CAMK2D: variants seen among roughly 807,000 people sequenced by gnomAD.
The protein encoded by CAMK2D is calcium/calmodulin-dependent protein kinase type II subunit delta.
A neutral mutation model predicts 84.0 loss-of-function variants in CAMK2D; 37 were observed. That is an observed-to-expected ratio of 0.44 (90% CI 0.34 to 0.58). The LOEUF (loss-of-function observed/expected upper bound fraction) is 0.58, where lower values mean the gene tolerates loss of function less well. CAMK2D is among the 20% of genes least tolerant of loss of function. The probability of loss-of-function intolerance (pLI) is 0.02; values close to 1 mark genes in which losing one functional copy is unlikely to be tolerated. For synonymous variants in CAMK2D, 202 were observed against 212.5 expected (o/e 0.95, Z 0.43); for missense variants, 448 against 652.5 (o/e 0.69, Z 3.41).
At chr4:113,556,476 C>A (rs1211935610) in intron 4 of CAMK2D, among the ~76,000 whole-genome samples, 1 of 152,092 alleles carries the variant, frequency 6.6e-6, no homozygotes, top group African/African-American at 2.4e-5. Context: ...CTGGTGAGGG[C>A]AGGAGAGTAG....
At chr4:113,563,202 C>T (rs2098706768) in intron 4 of CAMK2D, among the ~76,000 whole-genome samples, 1 of 151,912 alleles carries the variant, frequency 6.6e-6, no homozygotes, top group Admixed American at 6.6e-5. Flanking sequence ...TGCAGTGAGC[C>T]GAGATCACGC....
intron 2 of CAMK2D, among the ~76,000 whole-genome samples, chr4:113,715,075 A>G (rs1320764420): frequency 6.6e-6 from 1 of 152,094 alleles, no homozygotes. Context: ...TACAACCTTT[A>G]TTAGATTTCT....
chr4:113,512,306 T>A (rs1420622724), intron 12 of CAMK2D, among the ~76,000 whole-genome samples: 1 of 152,240 alleles, frequency 6.6e-6, no homozygotes, highest in Non-Finnish European at 1.5e-5. Flanking sequence ...GAGTAATATA[T>A]ACTTTATCTC....
chr4:113,629,912 T>TA (rs879680774), intron 3 of CAMK2D, among the ~76,000 whole-genome samples: 85 of 147,260 alleles, frequency 5.8e-4, no homozygotes, highest in East Asian at 1.2e-3. Flanking sequence ...TCACAATGTT[T>TA]AAAAAAAAAA....
At chr4:113,748,196 C>A (rs1594086114) in intron 2 of CAMK2D, among the ~76,000 whole-genome samples, 1 of 152,116 alleles carries the variant, frequency 6.6e-6, no homozygotes, top group East Asian at 1.9e-4. Flanking sequence ...GGTAATTTTA[C>A]TTGACTTTAC....
intron 2 of CAMK2D, among the ~76,000 whole-genome samples, chr4:113,738,491 A>T (rs1270482823): frequency 6.6e-6 from 1 of 152,114 alleles, no homozygotes; most frequent in South Asian, 2.1e-4. Context: ...GATTTTTTTT[A>T]AATGAAAATA....
chr4:113,589,997 T>A (rs1437131108), intron 4 of CAMK2D, among the ~76,000 whole-genome samples: 1 of 152,192 alleles, frequency 6.6e-6, no homozygotes, highest in African/African-American at 2.4e-5. Context: ...ATATTTTGAA[T>A]ATATGCATGT....
chr4:113,491,638 C>T (rs1323792741), intron 16 of CAMK2D, among the ~76,000 whole-genome samples: 13 of 152,190 alleles, frequency 8.5e-5, no homozygotes, highest in Admixed American at 4.6e-4. Context: ...GCTTTGGTAT[C>T]AGAATGATGT....
intron 4 of CAMK2D, among the ~76,000 whole-genome samples, chr4:113,552,665 T>C (rs947298156): frequency 6.6e-6 from 1 of 152,214 alleles, no homozygotes; most frequent in Non-Finnish European, 1.5e-5. Context: ...AGAAGCATTT[T>C]CCCCTAATTT....
intron 7 of CAMK2D, among the ~76,000 whole-genome samples, chr4:113,533,661 C>CTT (rs141396283): frequency 3.4e-5 from 5 of 149,158 alleles, no homozygotes; most frequent in East Asian, 2.0e-4. Context: ...TGGTAGTTAT[C>CTT]TTTTTTTTTT....
intron 4 of CAMK2D, among the ~76,000 whole-genome samples, chr4:113,584,096 A>T (rs2098823199): frequency 6.6e-6 from 1 of 152,216 alleles, no homozygotes; most frequent in Non-Finnish European, 1.5e-5. Context: ...TATTTCTAGC[A>T]GTCTTTCCAT....
intron 2 of CAMK2D, among the ~76,000 whole-genome samples, chr4:113,720,789 T>C (rs2099528364): frequency 6.6e-6 from 1 of 152,124 alleles, no homozygotes; most frequent in Non-Finnish European, 1.5e-5. Context: ...AACTGGCATA[T>C]TCTCAATATG....
chr4:113,472,228 T>C (rs1039930984), intron 16 of CAMK2D, among the ~76,000 whole-genome samples: 4 of 152,202 alleles, frequency 2.6e-5, no homozygotes, highest in African/African-American at 9.6e-5. Flanking sequence ...AATGCATGCA[T>C]GTATGAATAA....
Position 113,564,683 on chromosome 4 carries a change from C to A in CAMK2D, c.276-12587G>T, listed in dbSNP as rs182400786. 4.7e-4 allele frequency among the ~76,000 whole-genome samples: 71 copies of A among 152,036 alleles called. 1 individual carries two copies. Among genetic ancestry groups the A allele is most frequent in the Admixed American group, 4.1e-3 (62 of 15,268 alleles). Reference sequence around the variant, plus strand: ...AACATTAATTGAATTGAACAGTATGCGAAAGGGAAGATGCAATATGAAATC... The same window carrying A: ...AACATTAATTGAATTGAACAGTATGAGAAAGGGAAGATGCAATATGAAATC... On this transcript the variant is annotated intron_variant, in intron 4 of 20. Coordinates refer to ENST00000511664, the MANE Select transcript of CAMK2D (RefSeq NM_001321571.2).
At chr4:113,509,706 A>C (rs1257911611) in intron 12 of CAMK2D, 31 bp from the exon 13 acceptor site, 1 of 1,540,094 alleles carries the variant, frequency 6.5e-7, no homozygotes, top group African/African-American at 1.4e-5. Flanking sequence ...CAGTTTAGTG[A>C]GTTATCCATA....
intron 2 of CAMK2D, among the ~76,000 whole-genome samples, chr4:113,688,242 C>T (rs28715734): frequency 0.32 from 48,187 of 152,046 alleles, 8,092 homozygotes; most frequent in African/African-American, 0.42. Context: ...ACGTGTGTCC[C>T]TCACAAGGAG....
intron 8 of CAMK2D, among the ~76,000 whole-genome samples, chr4:113,523,713 A>G (rs1280326223): frequency 6.6e-6 from 1 of 152,122 alleles, no homozygotes; most frequent in African/African-American, 2.4e-5. Flanking sequence ...TGGAGGTTGC[A>G]GTGAGCTAAG....
chr4:113,619,799 T>C (rs12505711), intron 3 of CAMK2D, among the ~76,000 whole-genome samples: 44,382 of 151,972 alleles, frequency 0.29, 6,899 homozygotes, highest in African/African-American at 0.39. Context: ...TGTTTAATAA[T>C]TGCAACTAAG....
chr4:113,712,243 C>T (rs1296255086), intron 2 of CAMK2D, among the ~76,000 whole-genome samples: 1 of 151,890 alleles, frequency 6.6e-6, no homozygotes, highest in African/African-American at 2.4e-5. Flanking sequence ...CCAGAATAGC[C>T]AAGAATTAAC....
Sources: gnomAD v4.1 joint callset for allele counts (sites outside exome capture counted in the v4.1 genomes callset) on GRCh38, gnomAD v4.1.1 for gene constraint, MANE v1.5 for transcripts, NCBI Gene and HGNC (gene_info 2026-07-23, HGNC 2026-07-21) for gene names.